UGT1A7: variants seen among roughly 807,000 people sequenced by gnomAD.
The protein encoded by UGT1A7 is UDP-glucuronosyltransferase 1A7.
In UGT1A7, 33 loss-of-function variants were observed where a neutral mutation model predicts 45.6. The observed-to-expected ratio is 0.72, with a 90% CI of 0.55 to 0.97. UGT1A7 has a LOEUF of 0.97. Among genes scored for constraint, UGT1A7 ranks in the 50% least tolerant of loss-of-function variants. The pLI is 0.00. For missense variants in UGT1A7, 684 were observed against 666.2 expected, an observed-to-expected ratio of 1.03 and a Z score of -0.29; for synonymous variants, 274 against 250.6, an observed-to-expected ratio of 1.09 and a Z score of -0.88.
chr2:233,750,771 C>T (rs2125907104), intron 1 of UGT1A7: 1 of 151,994 alleles, frequency 6.6e-6, no homozygotes, highest in East Asian at 1.9e-4. Context: ...TGGTGTTGGG[C>T]CTGTGGGTAC....
chr2:233,733,853 T>C (rs2078444746), intron 1 of UGT1A7, among the ~76,000 whole-genome samples: 1 of 152,132 alleles, frequency 6.6e-6, no homozygotes, highest in South Asian at 2.1e-4. Flanking sequence ...TCTTTTTCTA[T>C]TGATTGGAAT....
rs114514275 is a variant in UGT1A7 at position 233,742,148 on chromosome 2, C to T, written c.856-24886C>T. On this transcript the variant is annotated intron_variant, in intron 1 of 4. Transcript: ENST00000373426. ...GAGACCCTAACCCAGCAGCGCTAGA[C>T]GAATTAAAGACACACACACAGAAAT... 2.7e-3 allele frequency among the ~76,000 whole-genome samples: 409 copies of T among 151,916 alleles called. 4 individuals carry two copies. Among genetic ancestry groups the T allele is most frequent in the Middle Eastern group, 6.8e-3 (2 of 294 alleles).
rs752420110 is a variant in UGT1A7, at chr2:233,767,943, T to C, written c.1075+7T>C. The C allele has an allele frequency of 3.2e-5, 51 of 1,614,076 alleles. No homozygotes were observed. The highest frequency in any genetic ancestry group is 1.6e-4 in the East Asian group (7 of 44,900). On this transcript the variant is annotated splice_region_variant and intron_variant, in intron 3 of 4. Transcript: ENST00000373426. ...CCCCAAAACGATCTGCTTGGTATGT[T>C]GGGCGGATTGGATGTATAGGTCAAA...
At chr2:233,729,139 C>G (rs527426104) in intron 1 of UGT1A7, 1 of 1,613,374 alleles carries the variant, frequency 6.2e-7, no homozygotes, top group Admixed American at 1.7e-5. Context: ...GGCCACAGGA[C>G]TCCAGGTTCC....
At chr2:233,692,744 G>A (rs1410250245) in intron 1 of UGT1A7, 4 of 1,060,368 alleles carry the variant, frequency 3.8e-6, no homozygotes, top group African/African-American at 1.6e-5. Flanking sequence ...AGAGGGAGAA[G>A]CAGACTTGTG....
At chr2:233,729,650 A>G in intron 1 of UGT1A7, 2 of 1,613,870 alleles carry the variant, frequency 1.2e-6, no homozygotes, top group Non-Finnish European at 1.7e-6. Context: ...TTTTTGAGGA[A>G]CATTCCATGT....
chr2:233,754,399 C>T (rs1054804), intron 1 of UGT1A7: 9,950 of 333,324 alleles, frequency 0.03, 183 homozygotes, highest in African/African-American at 0.05. Flanking sequence ...CCTATCCGTG[C>T]AGTCCCAACA....
chr2:233,695,360 G>A (rs1162074854), intron 1 of UGT1A7, among the ~76,000 whole-genome samples: 1 of 151,726 alleles, frequency 6.6e-6, no homozygotes, highest in African/African-American at 2.4e-5. Flanking sequence ...TCTTGACCTC[G>A]TGGTCCGCCC....
intron 1 of UGT1A7, chr2:233,721,930 C>A: frequency 2.6e-6 from 1 of 377,680 alleles, no homozygotes; most frequent in Non-Finnish European, 5.3e-6. Context: ...AAGTGACATC[C>A]TTCAGACACT....
At chr2:233,737,546 G>C (rs1575619302) in intron 1 of UGT1A7, among the ~76,000 whole-genome samples, 1 of 152,122 alleles carries the variant, frequency 6.6e-6, no homozygotes, top group Non-Finnish European at 1.5e-5. Flanking sequence ...GCTTCGGCTT[G>C]CCCTCAGTGG....
At chr2:233,755,943 TC>T (rs1252557190) in intron 1 of UGT1A7, 1 of 62,766 alleles carries the variant, frequency 1.6e-5, no homozygotes, top group African/African-American at 8.0e-5. Context: ...TTTTTGCATC[TC>T]TCTCTTTAGT....
intron 1 of UGT1A7, among the ~76,000 whole-genome samples, chr2:233,744,373 G>A (rs1353064237): frequency 6.6e-6 from 1 of 151,860 alleles, no homozygotes; most frequent in Non-Finnish European, 1.5e-5. Context: ...TAGGACTGCA[G>A]TTCTCCAACG....
intron 1 of UGT1A7, among the ~76,000 whole-genome samples, chr2:233,761,782 A>G (rs1423318285): frequency 1.3e-5 from 2 of 152,218 alleles, no homozygotes; most frequent in African/African-American, 4.8e-5. Context: ...ATCCTCATCG[A>G]AATCTCAGCA....
chr2:233,699,790 CT>C (rs1163092717), intron 1 of UGT1A7, among the ~76,000 whole-genome samples: 4 of 152,194 alleles, frequency 2.6e-5, no homozygotes, highest in African/African-American at 9.7e-5. Flanking sequence ...GTTTCCTCCT[CT>C]CATATTCTGG....
chr2:233,759,026 A>G (rs888147104), intron 1 of UGT1A7, among the ~76,000 whole-genome samples: 4 of 152,116 alleles, frequency 2.6e-5, no homozygotes, highest in Admixed American at 2.0e-4. Flanking sequence ...TTGCTTATCT[A>G]TTTGGTTTCC....
At chr2:233,740,765 C>T (rs894944360) in intron 1 of UGT1A7, 8 of 151,662 alleles carry the variant, frequency 5.3e-5, no homozygotes, top group South Asian at 2.1e-4. Context: ...CTTATCAAAC[C>T]GTTGTATAAA....
chr2:233,713,763 C>T (rs145951104), intron 1 of UGT1A7: 46 of 1,613,764 alleles, frequency 2.9e-5, no homozygotes, highest in Admixed American at 1.5e-4. Context: ...GTGGCTGTTC[C>T]GAGGGGACTT....
rs45586035 is a variant in UGT1A7, at chr2:233,729,636, G to GT, written c.856-37390dup. 7.6e-4 allele frequency: 1,222 copies of GT among 1,613,576 alleles called. 6 individuals are homozygous for GT. The African/African-American group carries it at 1.0e-2, about 13-fold the overall frequency. On this transcript the variant is annotated intron_variant, in intron 1 of 4. Coordinates refer to ENST00000373426, the MANE Select transcript of UGT1A7 (RefSeq NM_019077.3). ...CTAAGTACCTGTCGATTCCTACTGT[G>GT]TTTTTTTTGAGGAACATTCCATGTG...
rs41264157 is a variant in UGT1A7 at position 233,755,111 on chromosome 2, G to C, written c.856-11923G>C. ...GTTTCTACGCGTCCGACAACACCTCGTAGGCCTCAGCCACCTGCTTGAATC... is the reference window on the plus strand; with the variant it reads ...GTTTCTACGCGTCCGACAACACCTCCTAGGCCTCAGCCACCTGCTTGAATC... On this transcript the variant is annotated intron_variant, in intron 1 of 4. Transcript: ENST00000373426. 5.5e-4 allele frequency: 736 copies of C among 1,331,768 alleles called. 3 individuals are homozygous for C. The African/African-American group carries it at 7.2e-3, about 13-fold the overall frequency. The allele number at this position is 1,331,768 out of a possible 1,614,324, so 82.5% of individuals were successfully genotyped here.
Sources: gnomAD v4.1 joint callset for allele counts (sites outside exome capture counted in the v4.1 genomes callset) on GRCh38, gnomAD v4.1.1 for gene constraint, MANE v1.5 for transcripts, NCBI Gene and HGNC (gene_info 2026-07-23, HGNC 2026-07-21) for gene names.